TMTC2: variants seen among roughly 807,000 people sequenced by gnomAD.
TMTC2 encodes the protein transmembrane O-mannosyltransferase targeting cadherins 2, also known as protein O-mannosyl-transferase TMTC2.
TMTC2 carries 43 observed loss-of-function variants against 82.4 expected under a neutral mutation model. The observed-to-expected ratio is 0.52, with a 90% confidence interval of 0.41 to 0.67. TMTC2 has a LOEUF of 0.67. Among genes scored for constraint, TMTC2 ranks in the 30% least tolerant of loss-of-function variants. TMTC2 has a pLI of 0.00. For synonymous variants in TMTC2, 408 were observed against 381.9 expected (o/e 1.07, Z -0.80); for missense variants, 919 against 1,012.4 (o/e 0.91, Z 1.25).
chr12:82,851,406 ACT>A (rs878897708), intron 1 of TMTC2, among the ~76,000 whole-genome samples: 2 of 152,126 alleles, frequency 1.3e-5, no homozygotes, highest in South Asian at 4.1e-4. Flanking sequence ...ACAGAGTGAG[ACT>A]CTGTCTCCAA....
intron 3 of TMTC2, among the ~76,000 whole-genome samples, chr12:82,929,291 A>C (rs142157960): frequency 6.6e-6 from 1 of 152,142 alleles, no homozygotes; most frequent in East Asian, 1.9e-4. Flanking sequence ...TCTTGAGCTC[A>C]AACAGTCCAC....
At chr12:82,813,950 G>A (rs1031407809) in intron 1 of TMTC2, among the ~76,000 whole-genome samples, 2 of 152,070 alleles carry the variant, frequency 1.3e-5, no homozygotes, top group African/African-American at 4.8e-5. Flanking sequence ...AGAGGGAACA[G>A]GGAATAATAA....
At chr12:83,012,842 CTGT>C (rs1360292623) in intron 8 of TMTC2, among the ~76,000 whole-genome samples, 2 of 152,182 alleles carry the variant, frequency 1.3e-5, no homozygotes, top group African/African-American at 4.8e-5. Flanking sequence ...AGATAATCCT[CTGT>C]TGTTTTATTA....
At chr12:82,969,014 C>A (rs573928487) in intron 7 of TMTC2, among the ~76,000 whole-genome samples, 3 of 151,980 alleles carry the variant, frequency 2.0e-5, no homozygotes, top group Non-Finnish European at 4.4e-5. Context: ...TTCAGTTATT[C>A]GGGAAACTAT....
intron 1 of TMTC2, among the ~76,000 whole-genome samples, chr12:82,854,484 G>A (rs1374881749): frequency 6.6e-6 from 1 of 152,054 alleles, no homozygotes; most frequent in African/African-American, 2.4e-5. Context: ...GGAGGGGAGG[G>A]GTGCAGGGGA....
At chr12:82,976,603 A>T (rs887251823) in intron 7 of TMTC2, among the ~76,000 whole-genome samples, 1 of 152,000 alleles carries the variant, frequency 6.6e-6, no homozygotes, top group Non-Finnish European at 1.5e-5. Flanking sequence ...CCGCTAAAGG[A>T]TTTCCAATCA....
At chr12:82,930,378 C>A in intron 3 of TMTC2, 53 bp from the exon 4 acceptor site, 1 of 1,021,168 alleles carries the variant, frequency 9.8e-7, no homozygotes, top group Non-Finnish European at 1.5e-6. Context: ...GATATTATGT[C>A]ATGTATAATT....
At chr12:83,019,882 C>A (rs1442712842) in intron 8 of TMTC2, among the ~76,000 whole-genome samples, 1 of 152,104 alleles carries the variant, frequency 6.6e-6, no homozygotes, top group Non-Finnish European at 1.5e-5. Context: ...GACTGATAAG[C>A]CAGGTATGCC....
At chr12:82,758,599 C>T (rs776182182) in intron 1 of TMTC2, 2 of 152,132 alleles carry the variant, frequency 1.3e-5, no homozygotes, top group Non-Finnish European at 2.9e-5. Flanking sequence ...AAATTATTCA[C>T]AAAAGCACTT....
intron 1 of TMTC2, among the ~76,000 whole-genome samples, chr12:82,704,311 A>G (rs1873237295): frequency 6.6e-6 from 1 of 152,228 alleles, no homozygotes; most frequent in South Asian, 2.1e-4. Flanking sequence ...TCTGTACATC[A>G]TAAGATTGGA....
chr12:83,023,109 C>T (rs553336679), intron 8 of TMTC2, among the ~76,000 whole-genome samples: 1 of 152,194 alleles, frequency 6.6e-6, no homozygotes, highest in African/African-American at 2.4e-5. Flanking sequence ...TGTCAAATTT[C>T]CCCCAGGATG....
intron 1 of TMTC2, among the ~76,000 whole-genome samples, chr12:82,842,787 C>A (rs774099743): frequency 3.9e-5 from 6 of 152,128 alleles, no homozygotes; most frequent in Non-Finnish European, 8.8e-5. Context: ...CATGGTCTTT[C>A]TTTTCTCATG....
intron 8 of TMTC2, among the ~76,000 whole-genome samples, chr12:82,998,380 GAGTTGAACTACT>G (rs545929477): frequency 1.8e-4 from 27 of 152,222 alleles, no homozygotes; most frequent in African/African-American, 6.5e-4. Flanking sequence ...CAAAAGAAAA[GAGTTGAACTACT>G]AGTTGATAAT....
At chr12:82,789,657 G>A (rs979230477) in intron 1 of TMTC2, among the ~76,000 whole-genome samples, 1 of 152,154 alleles carries the variant, frequency 6.6e-6, no homozygotes, top group Non-Finnish European at 1.5e-5. Flanking sequence ...CAAAGGCAGA[G>A]AATCTAAAGA....
At chr12:83,047,883 G>A (rs1162730691) in intron 9 of TMTC2, among the ~76,000 whole-genome samples, 2 of 152,298 alleles carry the variant, frequency 1.3e-5, no homozygotes, top group South Asian at 2.1e-4. Context: ...TTGTTGAACA[G>A]CAAAGATGCA....
At chr12:82,808,239 T>G (rs73358242) in intron 1 of TMTC2, among the ~76,000 whole-genome samples, 2,164 of 152,088 alleles carry the variant, frequency 0.014, 51 homozygotes, top group African/African-American at 0.05. Flanking sequence ...AACATGAATT[T>G]TTTTAAATGT....
intron 1 of TMTC2, among the ~76,000 whole-genome samples, chr12:82,794,129 T>A (rs1004342316): frequency 6.6e-6 from 1 of 152,106 alleles, no homozygotes; most frequent in Non-Finnish European, 1.5e-5. Context: ...AGAGGGCACA[T>A]GTGACTTGGT....
intron 11 of TMTC2, among the ~76,000 whole-genome samples, chr12:83,075,989 T>A (rs78737581): frequency 0.041 from 6,187 of 152,304 alleles, 408 homozygotes; most frequent in African/African-American, 0.14. Context: ...TTTTCTTCTC[T>A]TTCTCAAATT....
chr12:82,821,046 G>A (rs1472336068), intron 1 of TMTC2, among the ~76,000 whole-genome samples: 1 of 151,764 alleles, frequency 6.6e-6, no homozygotes, highest in African/African-American at 2.4e-5. Context: ...TTTCGTAGAG[G>A]AAGAGTCTTG....
Sources: allele counts gnomAD v4.1 joint callset (sites outside exome capture counted in the v4.1 genomes callset), GRCh38; gene constraint gnomAD v4.1.1; transcripts MANE v1.5; gene names NCBI Gene and HGNC (gene_info 2026-07-23, HGNC 2026-07-21).